UPB1: variants seen among roughly 807,000 people sequenced by gnomAD.
UPB1 encodes beta-ureidopropionase 1, also known as beta-ureidopropionase.
UPB1 carries 40 observed loss-of-function variants against 49.1 expected under a neutral mutation model. That is an observed-to-expected ratio of 0.81 (90% confidence interval 0.63 to 1.06). The LOEUF is 1.06. Ranked by LOEUF, UPB1 falls within the 50% of genes least tolerant of loss-of-function variation. UPB1 has a pLI of 0.00. For missense variants in UPB1, 499 were observed against 505.9 expected, an observed-to-expected ratio of 0.99 and a Z score of 0.13; for synonymous variants, 207 against 198.2, an observed-to-expected ratio of 1.04 and a Z score of -0.38.
intron 7 of UPB1, among the ~76,000 whole-genome samples, chr22:24,521,333 A>G (rs1478851701): frequency 6.6e-6 from 1 of 151,970 alleles, no homozygotes; most frequent in East Asian, 1.9e-4. Flanking sequence ...AATACAAAAA[A>G]TTAGCCGGGC....
intron 7 of UPB1, among the ~76,000 whole-genome samples, chr22:24,521,767 T>C (rs1451638575): frequency 6.6e-6 from 1 of 152,220 alleles, no homozygotes; most frequent in Non-Finnish European, 1.5e-5. Context: ...TTTACCCCGC[T>C]TGTCAAATTC....
chr22:24,525,997 G>A lies in UPB1; in HGVS notation c.*203G>A, dbSNP rs574882112. 1 of 641,728 alleles carries A rather than the reference G, an allele frequency of 1.6e-6. No homozygotes were observed. The highest frequency in any genetic ancestry group is 2.8e-6 in the Non-Finnish European group (1 of 356,780). 39.8% of individuals were successfully genotyped at this position (641,728 alleles called of 1,614,324 possible). A position where few individuals can be genotyped will look rare whatever the true frequency, so the allele number is the denominator to read the frequency against. On this transcript the variant is annotated 3_prime_UTR_variant, in exon 10 of 10. Coordinates refer to ENST00000326010, the MANE Select transcript of UPB1 (RefSeq NM_016327.3). ...TACTTCTGGGGTATTGGAAATGTTT[G>A]GGGACTAGGTAGAGGTGAATGTACT...
intron 3 of UPB1, among the ~76,000 whole-genome samples, chr22:24,509,952 G>C (rs2044167660): frequency 6.6e-6 from 1 of 152,092 alleles, no homozygotes; most frequent in South Asian, 2.1e-4. Context: ...ACTACTCTAG[G>C]CTGGGCGTGG....
At chr22:24,516,677 A>C (rs944117853) in intron 6 of UPB1, 1 of 151,110 alleles carries the variant, frequency 6.6e-6, no homozygotes, top group Non-Finnish European at 1.5e-5. Flanking sequence ...GTCAGCCTGC[A>C]CTTGTCTCTC....
intron 1 of UPB1, among the ~76,000 whole-genome samples, chr22:24,497,294 G>C (rs1160672630): frequency 6.6e-6 from 1 of 152,210 alleles, no homozygotes; most frequent in Non-Finnish European, 1.5e-5. Flanking sequence ...GGGACTAGGG[G>C]TGGGGTAGAA....
At chr22:24,521,848 C>A (rs140885580) in intron 7 of UPB1, 138 bp from the exon 8 acceptor site, 21 of 860,760 alleles carry the variant, frequency 2.4e-5, no homozygotes, top group Non-Finnish European at 3.7e-5. Context: ...GAGTACAGAC[C>A]ATTCCAGCTC....
At chr22:24,519,352 A>G (rs1370124016) in intron 6 of UPB1, among the ~76,000 whole-genome samples, 1 of 152,066 alleles carries the variant, frequency 6.6e-6, no homozygotes, top group Non-Finnish European at 1.5e-5. Context: ...TCCTAGTCAC[A>G]CAGTGTTTCT....
intron 2 of UPB1, 93 bp downstream of exon 2, chr22:24,500,371 G>T (rs907213350): frequency 2.5e-5 from 39 of 1,569,036 alleles, no homozygotes; most frequent in Middle Eastern, 4.5e-4. Flanking sequence ...GCATACTCCG[G>T]GTCTGCAGGC....
Position 24,500,105 on chromosome 22 carries a change from A to C in UPB1, c.105-2A>C. Reference sequence around the variant, plus strand: ...CTTCCCTCTTTTTTCCTGCCCATCTAGGAAGCTTGATCTGCCCAGGGAAGC... The same window carrying C: ...CTTCCCTCTTTTTTCCTGCCCATCTCGGAAGCTTGATCTGCCCAGGGAAGC... On this transcript the variant is annotated splice_acceptor_variant, in intron 1 of 9. Transcript: ENST00000326010. LOFTEE classifies it high-confidence loss of function. 6.2e-7 allele frequency: 1 copy of C among 1,614,132 alleles called. No homozygotes were observed. The highest frequency in any genetic ancestry group is 8.5e-7 in the Non-Finnish European group (1 of 1,180,020).
intron 1 of UPB1, among the ~76,000 whole-genome samples, chr22:24,497,620 G>A (rs2043916283): frequency 6.6e-6 from 1 of 152,194 alleles, no homozygotes; most frequent in Non-Finnish European, 1.5e-5. Context: ...GGAGGCCTCA[G>A]TAGCAGGGTG....
chr22:24,517,542 T>C (rs1478065259), intron 6 of UPB1, among the ~76,000 whole-genome samples: 1 of 152,246 alleles, frequency 6.6e-6, no homozygotes, highest in African/African-American at 2.4e-5. Flanking sequence ...TGGACTCAGA[T>C]GGCTCCTCGC....
chr22:24,500,868 A>G (rs973536501), intron 2 of UPB1, among the ~76,000 whole-genome samples: 2 of 152,356 alleles, frequency 1.3e-5, no homozygotes, highest in African/African-American at 4.8e-5. Context: ...GCATTCCTCC[A>G]GCTGCTCAAA....
intron 7 of UPB1, among the ~76,000 whole-genome samples, chr22:24,521,369 G>A (rs2044389424): frequency 6.6e-6 from 1 of 151,910 alleles, no homozygotes; most frequent in Non-Finnish European, 1.5e-5. Flanking sequence ...TGTAATCCCA[G>A]CTACTAGGGA....
At chr22:24,518,982 A>C (rs2044342891) in intron 6 of UPB1, among the ~76,000 whole-genome samples, 1 of 152,142 alleles carries the variant, frequency 6.6e-6, no homozygotes, top group Admixed American at 6.5e-5. Context: ...GGTGGTTTTG[A>C]GAGCATAAAT....
chr22:24,526,579 T>A lies in UPB1; in HGVS notation c.*785T>A, dbSNP rs1374856037. On this transcript the variant is annotated 3_prime_UTR_variant, in exon 10 of 10. Coordinates refer to ENST00000326010, the MANE Select transcript of UPB1 (RefSeq NM_016327.3). Reference sequence around the variant, plus strand: ...ATTCCTTGCAATAAATCTCAATATATCCCCTACTGGTTCTGCTTCTCTAGT... The same window carrying A: ...ATTCCTTGCAATAAATCTCAATATAACCCCTACTGGTTCTGCTTCTCTAGT... 3 of 152,316 alleles carry A rather than the reference T, an allele frequency of 2.0e-5. No homozygotes were observed. The highest frequency in any genetic ancestry group is 6.5e-5 in the Admixed American group (1 of 15,282). 9.4% of individuals were successfully genotyped at this position (152,316 alleles called of 1,614,324 possible). A position where few individuals can be genotyped will look rare whatever the true frequency, so the allele number is the denominator to read the frequency against.
intron 9 of UPB1, 112 bp from the exon 10 acceptor site, chr22:24,525,599 C>A: frequency 7.8e-7 from 1 of 1,274,038 alleles, no homozygotes; most frequent in Non-Finnish European, 1.1e-6. Context: ...ACGAGCCTTC[C>A]TGATGCGTTC....
At chr22:24,498,014 T>A (rs2043923537) in intron 1 of UPB1, among the ~76,000 whole-genome samples, 1 of 152,170 alleles carries the variant, frequency 6.6e-6, no homozygotes, top group Non-Finnish European at 1.5e-5. Flanking sequence ...TCTTTCCCCA[T>A]CTTAAACCAC....
rs1165158469 is a variant in UPB1 at position 24,523,779 on chromosome 22, T to C, written c.1071+6T>C. 7 of 1,614,036 alleles carry C rather than the reference T, an allele frequency of 4.3e-6. No individual in the cohort carries two copies. The African/African-American group carries it at 6.7e-5, about 15-fold the overall frequency. ...ATGATGTCTGGAACTTCAAGGTAGG[T>C]CCCCAGGACCCCTGTTGTTGCCTGC... On this transcript the variant is annotated splice_donor_region_variant and intron_variant, in intron 9 of 9. Transcript: ENST00000326010.
At chr22:24,498,867 C>T (rs1227654655) in intron 1 of UPB1, among the ~76,000 whole-genome samples, 1 of 152,250 alleles carries the variant, frequency 6.6e-6, no homozygotes, top group East Asian at 1.9e-4. Context: ...ACACATAAGC[C>T]TTGCTCCTTT....
Sources: allele counts gnomAD v4.1 joint callset (sites outside exome capture counted in the v4.1 genomes callset), GRCh38; gene constraint gnomAD v4.1.1; transcripts MANE v1.5; gene names NCBI Gene and HGNC (gene_info 2026-07-23, HGNC 2026-07-21).